Variants in NDUFAF6 observed in about 807,000 individuals in gnomAD.
The protein encoded by NDUFAF6 is NADH dehydrogenase (ubiquinone) complex I, assembly factor 6.
Under a neutral mutation model 40.8 loss-of-function variants are expected in NDUFAF6, and 45 were observed. The observed-to-expected ratio is 1.10, with a 90% CI of 0.87 to 1.42. NDUFAF6 has a LOEUF of 1.42. NDUFAF6 is among the 40% of genes most tolerant of loss of function. The pLI is 0.00. For missense variants in NDUFAF6, 435 were observed against 418.5 expected (o/e 1.04, Z -0.34); for synonymous variants, 185 against 155.9 (o/e 1.19, Z -1.39).
intron 1 of NDUFAF6, among the ~76,000 whole-genome samples, chr8:94,913,767 C>T (rs1818939180): frequency 6.6e-6 from 1 of 152,216 alleles, no homozygotes; most frequent in Non-Finnish European, 1.5e-5. Flanking sequence ...TCCTTGCACT[C>T]CAGTCTTGGT....
intron 2 of NDUFAF6, among the ~76,000 whole-genome samples, chr8:95,102,784 A>G (rs934307330): frequency 6.6e-6 from 1 of 152,200 alleles, no homozygotes; most frequent in African/African-American, 2.4e-5. Context: ...ACCAGGAAGC[A>G]AACTGTATGT....
downstream of NDUFAF6, among the ~76,000 whole-genome samples, chr8:95,076,406 C>T (rs188077640): frequency 1.4e-3 from 216 of 152,292 alleles, no homozygotes; most frequent in Middle Eastern, 3.4e-3. Flanking sequence ...TTGCCCTGGT[C>T]GTGCCAGTCT....
downstream of NDUFAF6, among the ~76,000 whole-genome samples, chr8:95,103,634 T>C (rs1610110): frequency 0.83 from 126,801 of 152,164 alleles, 53,268 homozygotes; most frequent in East Asian, 1. Flanking sequence ...CCCCTCTTGC[T>C]ATGTAGATTG....
At chr8:94,953,026 T>G (rs1822755050), upstream of NDUFAF6, among the ~76,000 whole-genome samples, 1 of 152,208 alleles carries the variant, frequency 6.6e-6, no homozygotes, top group South Asian at 2.1e-4. Flanking sequence ...TGGCTGAATG[T>G]ACAGGTAACC....
intron 1 of NDUFAF6, among the ~76,000 whole-genome samples, chr8:94,907,965 A>G (rs7015841): frequency 6.6e-6 from 1 of 152,002 alleles, no homozygotes; most frequent in South Asian, 2.1e-4. Context: ...GCTGGCCCCT[A>G]TGTATTGGGT....
At chr8:94,940,766 A>C (rs1027125782) in intron 1 of NDUFAF6, 27 of 1,258,888 alleles carry the variant, frequency 2.1e-5, no homozygotes, top group Non-Finnish European at 2.8e-5. Context: ...TTATGCAAAA[A>C]CTGAGATGCA....
chr8:95,080,524 G>GTGTATTTTGGTAGTGTATTTTTGTAA, downstream of NDUFAF6, among the ~76,000 whole-genome samples: 6 of 150,310 alleles, frequency 4.0e-5, no homozygotes, highest in African/African-American at 1.5e-4. Context: ...TATTTTTGTA[G>GTGTATTTTGGTAGTGTATTTTTGTAA]TGTATTTTGG....
At chr8:94,977,522 T>TAAA (rs748596014) in intron 1 of NDUFAF6, among the ~76,000 whole-genome samples, 131 of 104,810 alleles carry the variant, frequency 1.2e-3, no homozygotes, top group African/African-American at 4.6e-3. Flanking sequence ...ACCCTGTCTC[T>TAAA]AAAAAAAAAA....
chr8:95,081,849 C>T (rs1264171831), intron 2 of NDUFAF6, among the ~76,000 whole-genome samples: 1 of 151,996 alleles, frequency 6.6e-6, no homozygotes, highest in Non-Finnish European at 1.5e-5. Context: ...ATCATGAGGT[C>T]AGGAGATCAA....
intron 2 of NDUFAF6, among the ~76,000 whole-genome samples, chr8:95,091,031 C>CAT (rs1343590467): frequency 1.3e-4 from 2 of 15,888 alleles, no homozygotes; most frequent in South Asian, 6.3e-3. Context: ...TTAATAAACT[C>CAT]ATATATATAT....
At chr8:95,080,193 T>C (rs996229078), downstream of NDUFAF6, among the ~76,000 whole-genome samples, 1 of 151,690 alleles carries the variant, frequency 6.6e-6, no homozygotes, top group African/African-American at 2.4e-5. Flanking sequence ...GTATTTTTTG[T>C]AGTGATTTTT....
intron 1 of NDUFAF6, among the ~76,000 whole-genome samples, chr8:94,924,147 G>A (rs2459964): frequency 0.78 from 118,028 of 151,970 alleles, 47,252 homozygotes; most frequent in East Asian, 0.89. Context: ...TACAACCTCC[G>A]CCTCCCGGGT....
chr8:94,988,978 A>G (rs895361947), intron 2 of NDUFAF6: 1 of 152,242 alleles, frequency 6.6e-6, no homozygotes, highest in South Asian at 2.1e-4. Context: ...TGTACAGAAT[A>G]GCTAAATCTA....
At chr8:94,930,364 CTA>C in intron 1 of NDUFAF6, 29 of 1,414,292 alleles carry the variant, frequency 2.1e-5, no homozygotes, top group Non-Finnish European at 2.7e-5. Flanking sequence ...ACTGATAAAA[CTA>C]TGTGATTGGT....
At chr8:94,949,462 C>G (rs1057384015) in intron 2 of NDUFAF6, 1 of 151,742 alleles carries the variant, frequency 6.6e-6, no homozygotes, top group Non-Finnish European at 1.5e-5. Context: ...ATCGGCGGTG[C>G]GGGGGCCCCG....
At chr8:94,971,080 T>C (rs1824423957) in intron 1 of NDUFAF6, among the ~76,000 whole-genome samples, 2 of 152,242 alleles carry the variant, frequency 1.3e-5, no homozygotes, top group African/African-American at 4.8e-5. Flanking sequence ...CGAAAAACTA[T>C]TCTGTGTGAG....
At chr8:95,036,676 G>C (rs547697532) in intron 3 of NDUFAF6, among the ~76,000 whole-genome samples, 1 of 152,352 alleles carries the variant, frequency 6.6e-6, no homozygotes, top group East Asian at 1.9e-4. Context: ...TCTGGCCTTT[G>C]TTGGGAAATA....
intron 2 of NDUFAF6, among the ~76,000 whole-genome samples, chr8:94,996,086 A>G (rs1021568536): frequency 1.1e-4 from 16 of 152,130 alleles, no homozygotes; most frequent in Admixed American, 4.6e-4. Context: ...TACTCCCTTC[A>G]AGCTGTTTCT....
chr8:95,061,931 G>A (rs938653547), downstream of NDUFAF6, among the ~76,000 whole-genome samples: 2 of 152,110 alleles, frequency 1.3e-5, no homozygotes, highest in Non-Finnish European at 2.9e-5. Context: ...GCCGAGGCAG[G>A]TGGATCCCTT....
Sources: allele counts gnomAD v4.1 joint callset (sites outside exome capture counted in the v4.1 genomes callset), GRCh38; gene constraint gnomAD v4.1.1; transcripts MANE v1.5; gene names NCBI Gene and HGNC (gene_info 2026-07-23, HGNC 2026-07-21).